ARHGAP19: variants seen among roughly 807,000 people sequenced by gnomAD.
The protein encoded by ARHGAP19 is Rho GTPase activating protein 19.
Under a neutral mutation model 60.9 loss-of-function variants are expected in ARHGAP19, and 48 were observed. That is an observed-to-expected ratio of 0.79 (90% CI 0.62 to 1.00). The LOEUF is 1.00. ARHGAP19 is among the 50% of genes least tolerant of loss of function. The probability of loss-of-function intolerance (pLI) is 0.00; values close to 1 mark genes in which losing one functional copy is unlikely to be tolerated. For synonymous variants in ARHGAP19, 209 were observed against 215.5 expected, an observed-to-expected ratio of 0.97 and a Z score of 0.27; for missense variants, 562 against 597.2, an observed-to-expected ratio of 0.94 and a Z score of 0.61.
intron 1 of ARHGAP19, among the ~76,000 whole-genome samples, chr10:97,281,851 G>A (rs1267147229): frequency 6.6e-6 from 1 of 152,038 alleles, no homozygotes; most frequent in Non-Finnish European, 1.5e-5. Context: ...TAGACAGTGG[G>A]AGAAAAAAAG....
At chr10:97,235,162 A>T in intron 9 of ARHGAP19, 55 bp downstream of exon 9, 13 of 1,496,212 alleles carry the variant, frequency 8.7e-6, no homozygotes, top group Non-Finnish European at 1.2e-5. Flanking sequence ...AAGAAAAATC[A>T]CATTGTTACA....
intron 8 of ARHGAP19, among the ~76,000 whole-genome samples, chr10:97,240,599 C>T (rs1347923379): frequency 6.6e-6 from 1 of 152,094 alleles, no homozygotes; most frequent in African/African-American, 2.4e-5. Context: ...TGCAGTCAGG[C>T]GAGATCACGC....
chr10:97,247,214 G>C (rs73326825), intron 6 of ARHGAP19, among the ~76,000 whole-genome samples: 3,666 of 152,086 alleles, frequency 0.024, 128 homozygotes, highest in African/African-American at 0.084. Context: ...AGAAGGCTAA[G>C]GGGGAGAATC....
At chr10:97,250,937 G>A (rs1233221927) in intron 6 of ARHGAP19, among the ~76,000 whole-genome samples, 3 of 151,428 alleles carry the variant, frequency 2.0e-5, no homozygotes, top group East Asian at 2.0e-4. Flanking sequence ...ATGGTGGCAC[G>A]CACCTGTCCC....
intron 9 of ARHGAP19, 87 bp from the exon 10 acceptor site, chr10:97,229,961 T>C: frequency 1.0e-6 from 1 of 975,434 alleles, no homozygotes; most frequent in East Asian, 2.4e-5. Context: ...TGTAATGTCC[T>C]TGGGTTAAAA....
At chr10:97,244,645 G>A (rs1359824323) in intron 7 of ARHGAP19, among the ~76,000 whole-genome samples, 1 of 152,250 alleles carries the variant, frequency 6.6e-6, no homozygotes, top group East Asian at 1.9e-4. Context: ...ACGACAACTA[G>A]ACAGCAGTGC....
At chr10:97,256,719 C>A (rs1842757299) in intron 5 of ARHGAP19, among the ~76,000 whole-genome samples, 1 of 152,172 alleles carries the variant, frequency 6.6e-6, no homozygotes, top group Admixed American at 6.5e-5. Context: ...AAAACAGAAT[C>A]TGTTCCAGCT....
At chr10:97,228,029 T>C (rs1850930741) in intron 11 of ARHGAP19, among the ~76,000 whole-genome samples, 1 of 152,190 alleles carries the variant, frequency 6.6e-6, no homozygotes, top group Non-Finnish European at 1.5e-5. Flanking sequence ...TTCATGGACA[T>C]ACAGAAATAT....
chr10:97,240,161 C>G (rs1375733939), intron 8 of ARHGAP19, among the ~76,000 whole-genome samples: 2 of 151,280 alleles, frequency 1.3e-5, no homozygotes, highest in African/African-American at 4.8e-5. Flanking sequence ...AAAAGAGGCA[C>G]TTATCTATTA....
At chr10:97,238,557 A>G (rs1215547769) in intron 8 of ARHGAP19, among the ~76,000 whole-genome samples, 3 of 152,290 alleles carry the variant, frequency 2.0e-5, no homozygotes, top group African/African-American at 7.2e-5. Flanking sequence ...AAAATTTACA[A>G]ACAAATTAAA....
intron 9 of ARHGAP19, among the ~76,000 whole-genome samples, chr10:97,232,422 C>CA (rs1483015574): frequency 6.6e-6 from 1 of 152,132 alleles, no homozygotes; most frequent in Non-Finnish European, 1.5e-5. Flanking sequence ...CTCAGCCTCC[C>CA]AAAGTACTGG....
chr10:97,270,490 A>G (rs901420862), intron 1 of ARHGAP19: 2 of 678,424 alleles, frequency 2.9e-6, no homozygotes, highest in Non-Finnish European at 4.7e-6. Context: ...GAACTTAAGA[A>G]ATGTATAGGA....
At chr10:97,290,574 G>A (rs376894657) in intron 1 of ARHGAP19, among the ~76,000 whole-genome samples, 14 of 152,218 alleles carry the variant, frequency 9.2e-5, no homozygotes, top group Admixed American at 7.2e-4. Flanking sequence ...TCCTGGAAGC[G>A]GCCCGCCATC....
Position 97,229,393 on chromosome 10 carries a change from T to C in ARHGAP19, c.1396-168A>G, listed in dbSNP as rs150280937. On this transcript the variant is annotated intron_variant, in intron 10 of 11. Coordinates refer to ENST00000358531, the MANE Select transcript of ARHGAP19 (RefSeq NM_032900.6). Reference sequence around the variant, plus strand: ...CTGATTTACTGCTGGCTTAATGAAGTAGGCATGCCTAGGATATCTTGAACC... The same window carrying C: ...CTGATTTACTGCTGGCTTAATGAAGCAGGCATGCCTAGGATATCTTGAACC... Among the ~76,000 whole-genome samples, 15 of 152,282 alleles carry C rather than the reference T, an allele frequency of 9.9e-5. 1 individual carries two copies. The highest frequency in any genetic ancestry group is 3.9e-4 in the East Asian group (2 of 5,162).
In ARHGAP19 at chr10:97,225,400, TTTAATAA is replaced by T. The variant is rs1850877418; in HGVS notation, c.*715_*721del. The T allele has an allele frequency of 6.6e-6, 1 of 151,596 alleles. No individual in the cohort carries two copies. Among genetic ancestry groups the T allele is most frequent in the Non-Finnish European group, 1.5e-5 (1 of 67,860 alleles). 9.4% of individuals were successfully genotyped at this position (151,596 alleles called of 1,614,324 possible). A position where few individuals can be genotyped will look rare whatever the true frequency, so the allele number is the denominator to read the frequency against. On this transcript the variant is annotated 3_prime_UTR_variant, in exon 12 of 12. Coordinates refer to ENST00000358531, the MANE Select transcript of ARHGAP19 (RefSeq NM_032900.6). ...GGAGAAATGGAAGGAAGGAAAAGAG[TTTAATAA>T]TTAAGATTTGTTAAAATACTGTATC...
intron 8 of ARHGAP19, among the ~76,000 whole-genome samples, chr10:97,242,641 T>A (rs1842507068): frequency 6.6e-6 from 1 of 152,054 alleles, no homozygotes; most frequent in African/African-American, 2.4e-5. Context: ...GCCTCCCGAG[T>A]AGCTGGGATT....
chr10:97,232,985 T>C (rs911565427), intron 9 of ARHGAP19, among the ~76,000 whole-genome samples: 14 of 151,794 alleles, frequency 9.2e-5, no homozygotes, highest in African/African-American at 3.4e-4. Context: ...CCATCTCTAC[T>C]AAAAATACAA....
At chr10:97,246,131 C>CA (rs1842560047) in intron 7 of ARHGAP19, 141 bp downstream of exon 7, 1 of 678,754 alleles carries the variant, frequency 1.5e-6, no homozygotes, top group African/African-American at 1.8e-5. Flanking sequence ...TTCATTATGG[C>CA]AAAATGACTA....
At chr10:97,282,208 AC>A (rs1843093900) in intron 1 of ARHGAP19, among the ~76,000 whole-genome samples, 1 of 152,192 alleles carries the variant, frequency 6.6e-6, no homozygotes, top group Admixed American at 6.6e-5. Context: ...CACAAGTCAA[AC>A]CAGGACAAAA....
Sources: allele counts gnomAD v4.1 joint callset (sites outside exome capture counted in the v4.1 genomes callset), GRCh38; gene constraint gnomAD v4.1.1; transcripts MANE v1.5; gene names NCBI Gene and HGNC (gene_info 2026-07-23, HGNC 2026-07-21).